MAGI1: variants seen among roughly 807,000 people sequenced by gnomAD.
The protein encoded by MAGI1 is membrane associated guanylate kinase, WW and PDZ domain containing 1.
In MAGI1, 58 loss-of-function variants were observed where a neutral mutation model predicts 139.9. That is an observed-to-expected ratio of 0.41 (90% confidence interval 0.34 to 0.52). The LOEUF (loss-of-function observed/expected upper bound fraction) is 0.52, where lower values mean the gene tolerates loss of function less well. MAGI1 is among the 20% of genes least tolerant of loss of function. The pLI, the probability that MAGI1 is intolerant of heterozygous loss-of-function variation, is 0.12. For missense variants in MAGI1, 1,874 were observed against 1,901.6 expected (o/e 0.99, Z 0.27); for synonymous variants, 812 against 737.9 (o/e 1.10, Z -1.63).
At chr3:65,787,590 G>C (rs1346854939) in intron 1 of MAGI1, among the ~76,000 whole-genome samples, 2 of 149,864 alleles carry the variant, frequency 1.3e-5, no homozygotes, top group Non-Finnish European at 3.0e-5. Context: ...ATAACAGCAA[G>C]CAGGGCACAT....
chr3:65,498,628 C>A (rs1559610221), intron 2 of MAGI1, among the ~76,000 whole-genome samples: 1 of 152,126 alleles, frequency 6.6e-6, no homozygotes, highest in African/African-American at 2.4e-5. Context: ...AGAGAAGTAA[C>A]CTGCCCAAGG....
In MAGI1 at chr3:65,430,812, C is replaced by T; in HGVS notation, c.1433G>A (p.Ser478Asn). Residue 478 changes from serine (S) to asparagine (N), a missense_variant, in exon 11 of 23, where the codon AGC becomes AAC. Around this residue, in one of 5 missense-constraint regions of MAGI1, gnomAD observed 648 missense variants for 598.1 expected, o/e 1.08. Coordinates refer to ENST00000402939, the MANE Select transcript of MAGI1 (RefSeq NM_001033057.2). ...CACCGTGAAGCCAAAGCCACGACTGCTTTTCCGCAGCTTTGTGTGAATGAA... is the reference window on the plus strand; with the variant it reads ...CACCGTGAAGCCAAAGCCACGACTGTTTTTCCGCAGCTTTGTGTGAATGAA... ...GKFIHTKLRK[S>N]SRGFGFTVVG... 2 of 1,613,678 alleles carry T rather than the reference C, an allele frequency of 1.2e-6. No homozygotes were observed. The highest frequency in any genetic ancestry group is 1.7e-6 in the Non-Finnish European group (2 of 1,179,796).
At position 65,714,304 on chromosome 3, in the gene MAGI1, G is replaced by A. The variant is rs1377796294; in HGVS notation, c.314-92216C>T. 2.0e-5 allele frequency among the ~76,000 whole-genome samples: 3 copies of A among 151,996 alleles called. No individual in the cohort carries two copies. In the East Asian group the frequency reaches 5.8e-4, roughly 29 times the overall value. ...CTAAGGCCTGAACACCCTCTGCCTG[G>A]ACCACTGCTTGGGGTTATGTTCGCA... is the stretch of plus-strand genomic sequence containing the variant. On this transcript the variant is annotated intron_variant, in intron 1 of 22. Transcript: ENST00000402939.
At chr3:65,895,385 C>A (rs2060927042) in intron 1 of MAGI1, among the ~76,000 whole-genome samples, 1 of 152,178 alleles carries the variant, frequency 6.6e-6, no homozygotes, top group Non-Finnish European at 1.5e-5. Flanking sequence ...AATATACAGG[C>A]AATTTGCTGG....
At chr3:65,885,957 AT>A (rs1202963986) in intron 1 of MAGI1, among the ~76,000 whole-genome samples, 3 of 152,336 alleles carry the variant, frequency 2.0e-5, no homozygotes, top group Admixed American at 1.3e-4. Flanking sequence ...ACATAATACT[AT>A]TTAAAAATCA....
At chr3:65,752,382 G>A (rs543096280) in intron 1 of MAGI1, among the ~76,000 whole-genome samples, 1 of 152,252 alleles carries the variant, frequency 6.6e-6, no homozygotes, top group East Asian at 1.9e-4. Flanking sequence ...CTTAGGTTTG[G>A]TGTGAGGAAT....
At chr3:65,922,577 G>C (rs1318673701) in intron 1 of MAGI1, among the ~76,000 whole-genome samples, 1 of 152,172 alleles carries the variant, frequency 6.6e-6, no homozygotes, top group Non-Finnish European at 1.5e-5. Context: ...ATCCTTCAAA[G>C]GAAGCAAGGC....
intron 1 of MAGI1, among the ~76,000 whole-genome samples, chr3:65,670,038 T>C (rs1473396153): frequency 6.6e-6 from 1 of 152,194 alleles, no homozygotes; most frequent in East Asian, 1.9e-4. Flanking sequence ...CCATAAACTT[T>C]TGGTAAAGCA....
intron 1 of MAGI1, chr3:65,688,610 A>G (rs1559788207): frequency 7.5e-6 from 2 of 264,934 alleles, no homozygotes; most frequent in Non-Finnish European, 1.5e-5. Flanking sequence ...TAAACTCTAC[A>G]GAAGTGTCAT....
chr3:65,839,215 T>A (rs945821967), intron 1 of MAGI1, among the ~76,000 whole-genome samples: 3 of 152,170 alleles, frequency 2.0e-5, no homozygotes, highest in Non-Finnish European at 4.4e-5. Flanking sequence ...ACTGTAGCCA[T>A]CATAAGATTC....
intron 1 of MAGI1, among the ~76,000 whole-genome samples, chr3:65,671,531 G>A (rs1007708693): frequency 1.1e-4 from 16 of 152,082 alleles, no homozygotes; most frequent in African/African-American, 3.1e-4. Context: ...CCTAAACCTG[G>A]CTACATATTA....
chr3:66,014,783 G>A (rs767527744), intron 1 of MAGI1, among the ~76,000 whole-genome samples: 7 of 152,252 alleles, frequency 4.6e-5, no homozygotes, highest in South Asian at 4.1e-4. Context: ...ATCTCATTCC[G>A]TCATTTTCTT....
intron 2 of MAGI1, among the ~76,000 whole-genome samples, chr3:65,538,361 C>T (rs2079053451): frequency 6.6e-6 from 1 of 152,120 alleles, no homozygotes; most frequent in African/African-American, 2.4e-5. Flanking sequence ...GGGATATTCT[C>T]TGGCCAGATT....
At chr3:65,926,509 G>A (rs1420833327) in intron 1 of MAGI1, among the ~76,000 whole-genome samples, 1 of 152,134 alleles carries the variant, frequency 6.6e-6, no homozygotes, top group East Asian at 1.9e-4. Flanking sequence ...GTCACAGGAT[G>A]AGACAGGAGG....
intron 1 of MAGI1, among the ~76,000 whole-genome samples, chr3:65,809,023 T>C (rs979746510): frequency 6.6e-6 from 1 of 152,120 alleles, no homozygotes; most frequent in Non-Finnish European, 1.5e-5. Context: ...AGTACAGACA[T>C]TTAATCTGAG....
At chr3:65,599,647 A>G (rs1247182998) in intron 2 of MAGI1, among the ~76,000 whole-genome samples, 1 of 152,258 alleles carries the variant, frequency 6.6e-6, no homozygotes, top group Non-Finnish European at 1.5e-5. Context: ...TTCACCATAC[A>G]TAACAGGTGC....
intron 2 of MAGI1, among the ~76,000 whole-genome samples, chr3:65,593,426 C>A (rs2082053029): frequency 6.6e-6 from 1 of 152,092 alleles, no homozygotes; most frequent in Non-Finnish European, 1.5e-5. Context: ...ATTCTTTAAT[C>A]AGGCGAGCAG....
chr3:66,005,248 T>C (rs371428158), intron 1 of MAGI1, among the ~76,000 whole-genome samples: 2 of 152,298 alleles, frequency 1.3e-5, no homozygotes, highest in East Asian at 1.9e-4. Flanking sequence ...CAGTCTTCAA[T>C]AATGCTGCAT....
intron 1 of MAGI1, among the ~76,000 whole-genome samples, chr3:65,975,092 T>A (rs1423631589): frequency 8.2e-5 from 12 of 147,230 alleles, no homozygotes; most frequent in East Asian, 2.0e-4. Flanking sequence ...AATAGCTATT[T>A]AAAAAAAAAA....
Sources: allele counts gnomAD v4.1 joint callset (sites outside exome capture counted in the v4.1 genomes callset), GRCh38; gene constraint gnomAD v4.1.1; regional missense constraint gnomAD v4.1.1; transcripts MANE v1.5; gene names NCBI Gene and HGNC (gene_info 2026-07-23, HGNC 2026-07-21).